The following PCCA variants were observed in gnomAD, a reference collection of about 807,000 sequenced individuals.
PCCA encodes propionyl-CoA carboxylase alpha chain, mitochondrial.
In PCCA, 74 loss-of-function variants were observed where a neutral mutation model predicts 101.3. The ratio of observed to expected loss-of-function variants is 0.73; its 90% CI spans 0.61 to 0.89. The LOEUF (loss-of-function observed/expected upper bound fraction) is 0.89, where lower values mean the gene tolerates loss of function less well. Among genes scored for constraint, PCCA ranks in the 40% least tolerant of loss-of-function variants. PCCA has a pLI of 0.00. For synonymous variants in PCCA, 294 were observed against 313.6 expected, an observed-to-expected ratio of 0.94 and a Z score of 0.66; for missense variants, 891 against 907.0, an observed-to-expected ratio of 0.98 and a Z score of 0.23.
At chr13:100,113,240 A>G (rs916015805) in intron 4 of PCCA, among the ~76,000 whole-genome samples, 5 of 152,218 alleles carry the variant, frequency 3.3e-5, no homozygotes, top group Non-Finnish European at 7.3e-5. Context: ...ACTGTAGGCA[A>G]TTGTAACACA....
intron 6 of PCCA, among the ~76,000 whole-genome samples, chr13:100,191,837 A>G (rs1206710040): frequency 6.6e-6 from 1 of 152,208 alleles, no homozygotes; most frequent in Non-Finnish European, 1.5e-5. Context: ...CTGGTAGTTG[A>G]CATAAAATGA....
chr13:100,254,184 A>G (rs982458268), intron 8 of PCCA, among the ~76,000 whole-genome samples: 1 of 152,030 alleles, frequency 6.6e-6, no homozygotes, highest in African/African-American at 2.4e-5. Context: ...CTCACTCACT[A>G]TCACGAGGAC....
At chr13:100,404,773 C>T (rs2077575520) in intron 19 of PCCA, among the ~76,000 whole-genome samples, 1 of 152,152 alleles carries the variant, frequency 6.6e-6, no homozygotes, top group South Asian at 2.1e-4. Context: ...CACGTAACGC[C>T]CTATCTCCCC....
At chr13:100,529,498 T>C (rs1265431315) in intron 23 of PCCA, among the ~76,000 whole-genome samples, 1 of 152,070 alleles carries the variant, frequency 6.6e-6, no homozygotes, top group Non-Finnish European at 1.5e-5. Context: ...TGATAAAGAT[T>C]GACTGAAACC....
intron 8 of PCCA, chr13:100,236,703 C>T (rs2060819856): frequency 6.6e-6 from 1 of 152,072 alleles, no homozygotes; most frequent in Admixed American, 6.6e-5. Context: ...CTCAGGTGAT[C>T]CACCCGCCTC....
rs1407302179 is a variant in PCCA, at chr13:100,384,748, T to A, written c.1746+16174T>A. Among the ~76,000 whole-genome samples, 3 of 152,178 alleles carry A rather than the reference T, an allele frequency of 2.0e-5. No individual in the cohort carries two copies. The East Asian group carries it at 5.8e-4, about 29-fold the overall frequency. On this transcript the variant is annotated intron_variant, in intron 19 of 23. Coordinates refer to ENST00000376285, the MANE Select transcript of PCCA (RefSeq NM_000282.4). ...TCAGTAAACAAGGTGAGTTAACTAT[T>A]ACATTTATGCCTATTATAGGCTTTT...
At chr13:100,400,726 A>G (rs1312150454) in intron 19 of PCCA, among the ~76,000 whole-genome samples, 3 of 146,022 alleles carry the variant, frequency 2.1e-5, no homozygotes, top group Non-Finnish European at 4.5e-5. Context: ...ACTGGGTTCA[A>G]GCGATTCTTC....
Position 100,340,268 on chromosome 13 carries a change from G to T in PCCA, c.1643+9G>T. 1 of 1,393,870 alleles carries T rather than the reference G, an allele frequency of 7.2e-7. No homozygotes were observed. The highest frequency in any genetic ancestry group is 1.0e-6 in the Non-Finnish European group (1 of 979,276). The allele number at this position is 1,393,870 out of a possible 1,614,324, so 86.3% of individuals were successfully genotyped here. ...TTTCAAGAAAATTCAAGGTATGGTA[G>T]ATCATTTAAAACAGAATAAATGAGC... On this transcript the variant is annotated intron_variant, in intron 18 of 23. Transcript: ENST00000376285.
At chr13:100,172,180 G>T (rs1196951555) in intron 6 of PCCA, among the ~76,000 whole-genome samples, 2 of 148,332 alleles carry the variant, frequency 1.3e-5, no homozygotes, top group East Asian at 3.9e-4. Context: ...CAGCCTGGGT[G>T]ACAGAGCAAA....
intron 6 of PCCA, among the ~76,000 whole-genome samples, chr13:100,200,668 T>C (rs2058424934): frequency 6.6e-6 from 1 of 150,462 alleles, no homozygotes; most frequent in African/African-American, 2.4e-5. Flanking sequence ...CATATGGCAA[T>C]ATATTTACTA....
intron 19 of PCCA, among the ~76,000 whole-genome samples, chr13:100,387,042 C>T (rs966214659): frequency 5.9e-5 from 9 of 152,034 alleles, no homozygotes; most frequent in African/African-American, 2.2e-4. Context: ...CTTGGCCATC[C>T]GGGGAAGCAA....
intron 22 of PCCA, among the ~76,000 whole-genome samples, chr13:100,521,381 C>G (rs924605602): frequency 6.6e-6 from 1 of 152,178 alleles, no homozygotes; most frequent in Non-Finnish European, 1.5e-5. Context: ...AGAGTGAGGC[C>G]GCTCGTGCAT....
Position 100,343,113 on chromosome 13 carries a change from T to G in PCCA, c.1643+2854T>G, listed in dbSNP as rs1257788231. 2.0e-5 allele frequency among the ~76,000 whole-genome samples: 3 copies of G among 152,164 alleles called. No homozygotes were observed. In the East Asian group the frequency reaches 5.8e-4, roughly 29 times the overall value. On this transcript the variant is annotated intron_variant, in intron 18 of 23. Transcript: ENST00000376285. ...AGGGAGGCTGAGGCAGGAGAATTGCTTCAACCCAGGAGGCGGAGGTTGCAG... is the reference window on the plus strand; with the variant it reads ...AGGGAGGCTGAGGCAGGAGAATTGCGTCAACCCAGGAGGCGGAGGTTGCAG...
intron 6 of PCCA, among the ~76,000 whole-genome samples, chr13:100,185,355 CT>C (rs1284980384): frequency 6.6e-6 from 1 of 151,704 alleles, no homozygotes; most frequent in Non-Finnish European, 1.5e-5. Context: ...CTAATATTTT[CT>C]TTTTTTCTTT....
At chr13:100,339,814 G>T (rs1298991847) in intron 17 of PCCA, among the ~76,000 whole-genome samples, 1 of 152,204 alleles carries the variant, frequency 6.6e-6, no homozygotes, top group Non-Finnish European at 1.5e-5. Context: ...GGCTGGGAAA[G>T]GACAGAGAGA....
intron 9 of PCCA, among the ~76,000 whole-genome samples, chr13:100,262,448 A>G (rs1054252093): frequency 1.3e-5 from 2 of 152,084 alleles, no homozygotes; most frequent in African/African-American, 4.8e-5. Flanking sequence ...TTCCTGTTTC[A>G]ATGGAAAATC....
chr13:100,138,825 C>G (rs2051491753), intron 4 of PCCA, among the ~76,000 whole-genome samples: 1 of 149,836 alleles, frequency 6.7e-6, no homozygotes, highest in South Asian at 2.1e-4. Flanking sequence ...ATCCCAGCTA[C>G]TTGGGAGGCT....
intron 12 of PCCA, among the ~76,000 whole-genome samples, chr13:100,290,623 T>C (rs2065051816): frequency 6.6e-6 from 1 of 152,238 alleles, no homozygotes; most frequent in Non-Finnish European, 1.5e-5. Context: ...CCTTTTTCAG[T>C]GTTCAGGTTT....
At position 100,157,357 on chromosome 13, in the gene PCCA, C is replaced by T; in HGVS notation, c.468+17C>T. ...AGATGTTTGGTAAGTTGGTAATGAACCAGAAACTGTTCATTTCTTTTTCAG... is the reference window on the plus strand; with the variant it reads ...AGATGTTTGGTAAGTTGGTAATGAATCAGAAACTGTTCATTTCTTTTTCAG... On this transcript the variant is annotated intron_variant, in intron 6 of 23. Transcript: ENST00000376285. 1 of 1,563,866 alleles carries T rather than the reference C, an allele frequency of 6.4e-7. No homozygotes were observed. The highest frequency in any genetic ancestry group is 8.8e-7 in the Non-Finnish European group (1 of 1,134,822).
Sources: allele counts gnomAD v4.1 joint callset (sites outside exome capture counted in the v4.1 genomes callset), GRCh38; gene constraint gnomAD v4.1.1; transcripts MANE v1.5; gene names NCBI Gene and HGNC (gene_info 2026-07-23, HGNC 2026-07-21).